Variants in MYBL2 observed in about 807,000 individuals in gnomAD.
The protein encoded by MYBL2 is myb-related protein B.
In MYBL2, 28 loss-of-function variants were observed where a neutral mutation model predicts 79.9. The ratio of observed to expected loss-of-function variants is 0.35; its 90% CI spans 0.26 to 0.48. The LOEUF is 0.48. MYBL2 is among the 20% of genes least tolerant of loss of function. The pLI is 0.99. For missense variants in MYBL2, 735 were observed against 893.9 expected (o/e 0.82, Z 2.27); for synonymous variants, 378 against 361.2 (o/e 1.05, Z -0.53).
intron 9 of MYBL2, among the ~76,000 whole-genome samples, chr20:43,707,716 T>C (rs1266842801): frequency 6.6e-6 from 1 of 152,158 alleles, no homozygotes; most frequent in East Asian, 1.9e-4. Flanking sequence ...TCTCTTTAGT[T>C]ATCCCTCAAA....
intron 9 of MYBL2, 65 bp downstream of exon 9, chr20:43,705,423 T>C: frequency 6.6e-7 from 1 of 1,504,366 alleles, no homozygotes; most frequent in South Asian, 1.3e-5. Flanking sequence ...CCATGGGCCT[T>C]GGGACCACTG....
intron 5 of MYBL2, among the ~76,000 whole-genome samples, chr20:43,691,861 T>TA (rs1372178216): frequency 2.0e-5 from 3 of 151,750 alleles, no homozygotes; most frequent in Admixed American, 6.6e-5. Flanking sequence ...TTTTTTTAAT[T>TA]AAAAAAAATT....
intron 10 of MYBL2, 36 bp from the exon 11 acceptor site, chr20:43,711,452 G>C (rs1987903537): frequency 6.5e-6 from 10 of 1,543,818 alleles, no homozygotes; most frequent in Non-Finnish European, 8.9e-6. Context: ...GCCCGAGTGT[G>C]GTGCCTCACG....
At position 43,682,781 on chromosome 20, in the gene MYBL2, GT is replaced by G. The variant is rs762170551; in HGVS notation, c.187-11del. 3 of 1,613,520 alleles carry G rather than the reference GT, an allele frequency of 1.9e-6. No individual in the cohort carries two copies. In the South Asian group the frequency reaches 3.3e-5, roughly 18 times the overall value. On this transcript the variant is annotated splice_polypyrimidine_tract_variant and intron_variant, in intron 3 of 13. Transcript: ENST00000217026. ...TTCTCACAGATTGGTTTGTTCTTCT[GT>G]TCTTTTCCCAGAACCGCACTGACCA...
chr20:43,680,589 C>T lies in MYBL2; in HGVS notation c.115-1195C>T, dbSNP rs946049779. ...CTCGGCTCACTGCAACCTCCGCCTC[C>T]CAGGTTCAAGCAATTCTTCCTCATC... On this transcript the variant is annotated intron_variant, in intron 2 of 13. Transcript: ENST00000217026. Among the ~76,000 whole-genome samples, 3 of 152,012 alleles carry T rather than the reference C, an allele frequency of 2.0e-5. No individual in the cohort carries two copies. The East Asian group carries it at 5.8e-4, about 29-fold the overall frequency.
intron 1 of MYBL2, among the ~76,000 whole-genome samples, chr20:43,671,558 C>A (rs1230489844): frequency 4.0e-5 from 6 of 149,798 alleles, no homozygotes; most frequent in Non-Finnish European, 7.4e-5. Flanking sequence ...CCGCAACCTC[C>A]GCCTCCCAGG....
intron 8 of MYBL2, 147 bp from the exon 9 acceptor site, chr20:43,705,072 G>T: frequency 1.0e-6 from 1 of 968,904 alleles, no homozygotes. Context: ...TTGTTCTCGG[G>T]TGTCTGATGG....
intron 2 of MYBL2, among the ~76,000 whole-genome samples, chr20:43,675,655 C>T (rs1386936479): frequency 6.6e-6 from 1 of 152,050 alleles, no homozygotes; most frequent in Non-Finnish European, 1.5e-5. Flanking sequence ...ATGTAAGCAC[C>T]ACCCTGATTA....
In MYBL2 at chr20:43,716,242, G is replaced by A; in HGVS notation, c.*155G>A. On this transcript the variant is annotated 3_prime_UTR_variant, in exon 14 of 14. Coordinates refer to ENST00000217026, the MANE Select transcript of MYBL2 (RefSeq NM_002466.4). ...TCTCAGGTGGAGGCAACAGGGCCAT[G>A]TGCTGCCCTGTTGCCGAGCCCAGCT... is the stretch of plus-strand genomic sequence containing the variant. 1.8e-6 allele frequency: 2 copies of A among 1,136,334 alleles called. No homozygotes were observed. The highest frequency in any genetic ancestry group is 1.2e-6 in the Non-Finnish European group (1 of 826,926). The allele number at this position is 1,136,334 out of a possible 1,614,324, so 70.4% of individuals were successfully genotyped here. A position where few individuals can be genotyped will look rare whatever the true frequency, so the allele number is the denominator to read the frequency against.
At chr20:43,681,221 G>T (rs1987134364) in intron 2 of MYBL2, among the ~76,000 whole-genome samples, 2 of 152,118 alleles carry the variant, frequency 1.3e-5, no homozygotes, top group African/African-American at 2.4e-5. Flanking sequence ...GTCAGCTCTG[G>T]CCTGAGTTCA....
chr20:43,694,987 T>G (rs1600555078), intron 6 of MYBL2, among the ~76,000 whole-genome samples: 1 of 151,922 alleles, frequency 6.6e-6, no homozygotes, highest in African/African-American at 2.4e-5. Flanking sequence ...GTGCTGGCTG[T>G]GCTGGGCTGG....
At chr20:43,705,128 G>A in intron 8 of MYBL2, 91 bp from the exon 9 acceptor site, 2 of 1,489,698 alleles carry the variant, frequency 1.3e-6, no homozygotes, top group South Asian at 2.5e-5. Flanking sequence ...TGGGGGAGAG[G>A]CTCAAGGATC....
chr20:43,693,042 GTT>G (rs942565211), intron 6 of MYBL2, among the ~76,000 whole-genome samples: 2 of 151,658 alleles, frequency 1.3e-5, no homozygotes, highest in Non-Finnish European at 2.9e-5. Context: ...TTTGCAGGCT[GTT>G]TTTTTTGAGA....
intron 2 of MYBL2, among the ~76,000 whole-genome samples, chr20:43,680,008 T>C (rs1987106599): frequency 7.2e-6 from 1 of 138,512 alleles, no homozygotes; most frequent in South Asian, 2.5e-4. Flanking sequence ...CTACTCTGTT[T>C]CTGTGATTTT....
chr20:43,682,871 A>T lies in MYBL2; in HGVS notation c.264A>T (p.Lys88Asn), dbSNP rs1478938172. The T allele has an allele frequency of 6.2e-7, 1 of 1,613,964 alleles. No homozygotes were observed. The highest frequency in any genetic ancestry group is 2.2e-5 in the East Asian group (1 of 44,868). The change falls in exon 4 of 14, where the codon AAA (lysine) becomes AAT (asparagine). Residue 88 changes from lysine to asparagine, a missense_variant. Physicochemically the swap from Lys to Asn is moderately conservative, Grantham distance 94 (BLOSUM62 0). Around this residue, in one of 5 missense-constraint regions of MYBL2, gnomAD observed 65 missense variants for 145.2 expected, o/e 0.45. Coordinates refer to ENST00000217026, the MANE Select transcript of MYBL2 (RefSeq NM_002466.4). ...ACCTTGTCAAGGGGCCATGGACCAAAGAGGAAGACCAAAAAGTAACTGCTG... is the reference window on the plus strand; with the variant it reads ...ACCTTGTCAAGGGGCCATGGACCAATGAGGAAGACCAAAAAGTAACTGCTG... ...NPDLVKGPWT[K>N]EEDQKVIELV... is the part of the protein sequence containing the mutation.
At position 43,711,549 on chromosome 20, in the gene MYBL2, A is replaced by G; in HGVS notation, c.1667A>G (p.Glu556Gly). 6.2e-7 allele frequency: 1 copy of G among 1,613,892 alleles called. No homozygotes were observed. Residue 556 changes from glutamate to glycine, a missense_variant, in exon 11 of 14, where the codon GAA becomes GGA. Around this residue, in one of 5 missense-constraint regions of MYBL2, gnomAD observed 204 missense variants for 202.9 expected, o/e 1.01. Transcript: ENST00000217026. ...GTGCTGCGTTCTGAGGCTGGCATCG[A>G]ACTCATCATCGAGGACGACATCAGG... ...KEVLRSEAGIELIIEDDIRPE... is the reference protein window; with the variant it reads ...KEVLRSEAGIGLIIEDDIRPE...
At chr20:43,688,204 T>C (rs1987325996) in intron 5 of MYBL2, among the ~76,000 whole-genome samples, 1 of 151,860 alleles carries the variant, frequency 6.6e-6, no homozygotes, top group Non-Finnish European at 1.5e-5. Context: ...ATTTTTTATT[T>C]ATTCTTTTTT....
At chr20:43,693,629 G>A (rs368434606) in intron 6 of MYBL2, among the ~76,000 whole-genome samples, 2 of 152,096 alleles carry the variant, frequency 1.3e-5, no homozygotes, top group Non-Finnish European at 2.9e-5. Flanking sequence ...GAGCCAGCAT[G>A]CCCCAGCTAC....
At chr20:43,693,234 G>A (rs1442192748) in intron 6 of MYBL2, among the ~76,000 whole-genome samples, 1 of 152,144 alleles carries the variant, frequency 6.6e-6, no homozygotes. Flanking sequence ...GTTTCACCAC[G>A]TTGGCCAGGC....
Sources: allele counts gnomAD v4.1 joint callset (sites outside exome capture counted in the v4.1 genomes callset), GRCh38; gene constraint gnomAD v4.1.1; regional missense constraint gnomAD v4.1.1; transcripts MANE v1.5; gene names NCBI Gene and HGNC (gene_info 2026-07-23, HGNC 2026-07-21).